Variants in UNC93A observed in about 807,000 individuals in gnomAD.
UNC93A encodes the protein N-acetylglucosamine transporter UNC93A.
Under a neutral mutation model 47.5 loss-of-function variants are expected in UNC93A, and 43 were observed. That is an observed-to-expected ratio of 0.91 (90% CI 0.71 to 1.17). UNC93A has a LOEUF of 1.17. Ranked by LOEUF, UNC93A falls within the 50% of genes most tolerant of loss-of-function variation. UNC93A has a pLI of 0.00. For missense variants in UNC93A, 605 were observed against 577.6 expected (o/e 1.05, Z -0.49); for synonymous variants, 280 against 258.0 (o/e 1.09, Z -0.82).
intron 5 of UNC93A, 94 bp downstream of exon 5, chr6:167,304,227 C>T: frequency 7.2e-7 from 1 of 1,388,446 alleles, no homozygotes; most frequent in Admixed American, 1.7e-5. Flanking sequence ...GTGTCTCAGG[C>T]CACCTGCCCA....
intron 6 of UNC93A, among the ~76,000 whole-genome samples, chr6:167,306,521 T>TGGGAA (rs980027367): frequency 6.6e-6 from 1 of 152,118 alleles, no homozygotes; most frequent in Admixed American, 6.5e-5. Flanking sequence ...CCATTTTTCT[T>TGGGAA]GGGAAGGGAA....
chr6:167,277,669 GTCTCTT>G (rs1689089186), intron 1 of UNC93A, among the ~76,000 whole-genome samples: 4 of 138,082 alleles, frequency 2.9e-5, no homozygotes, highest in Admixed American at 2.2e-4. Flanking sequence ...CTATCTCTCT[GTCTCTT>G]TCTCTTTCTG....
intron 1 of UNC93A, among the ~76,000 whole-genome samples, chr6:167,293,432 A>T (rs1317879774): frequency 1.3e-5 from 2 of 152,130 alleles, no homozygotes; most frequent in African/African-American, 4.8e-5. Context: ...GCTGACCTTG[A>T]GCATGCGGAC....
At chr6:167,294,070 T>C (rs766073628) in intron 1 of UNC93A, among the ~76,000 whole-genome samples, 4 of 152,194 alleles carry the variant, frequency 2.6e-5, no homozygotes, top group Non-Finnish European at 4.4e-5. Flanking sequence ...AAATCATTCA[T>C]GTGCACTCAG....
At chr6:167,274,993 T>C (rs374005657) in intron 1 of UNC93A, among the ~76,000 whole-genome samples, 5 of 152,342 alleles carry the variant, frequency 3.3e-5, no homozygotes, top group African/African-American at 1.2e-4. Flanking sequence ...GACGTGGCAC[T>C]GAGTCCCAGA....
intron 1 of UNC93A, among the ~76,000 whole-genome samples, chr6:167,275,502 G>A (rs1256543187): frequency 6.6e-6 from 1 of 152,194 alleles, no homozygotes; most frequent in African/African-American, 2.4e-5. Flanking sequence ...CACCCCCAAG[G>A]GCAGTCAGCG....
At chr6:167,304,230 C>T in intron 5 of UNC93A, 97 bp downstream of exon 5, 2 of 1,368,666 alleles carry the variant, frequency 1.5e-6, no homozygotes, top group Admixed American at 3.4e-5. Context: ...TCTCAGGCCA[C>T]CTGCCCAGGG....
intron 1 of UNC93A, among the ~76,000 whole-genome samples, chr6:167,285,983 C>T (rs534183034): frequency 7.4e-5 from 11 of 148,060 alleles, no homozygotes; most frequent in African/African-American, 2.8e-4. Context: ...TATATATACA[C>T]ACACACACAC....
At chr6:167,280,240 T>G (rs1015402876) in intron 1 of UNC93A, among the ~76,000 whole-genome samples, 10 of 152,148 alleles carry the variant, frequency 6.6e-5, no homozygotes, top group African/African-American at 2.4e-4. Context: ...TCCTACCCCC[T>G]GCAGGCTCCC....
At chr6:167,270,564 TC>T (rs1436026539), upstream of UNC93A, among the ~76,000 whole-genome samples, 3 of 151,864 alleles carry the variant, frequency 2.0e-5, no homozygotes, top group African/African-American at 4.8e-5. Context: ...TTGAGTTGCA[TC>T]CCCCGGAAAG....
chr6:167,290,447 A>C (rs1783820986), upstream of UNC93A, among the ~76,000 whole-genome samples: 1 of 152,186 alleles, frequency 6.6e-6, no homozygotes, highest in Non-Finnish European at 1.5e-5. Flanking sequence ...GAAATGGCTG[A>C]CTTCACAGAA....
Position 167,294,621 on chromosome 6 carries a change from G to T in UNC93A, c.192G>T (p.Arg64Ser), listed in dbSNP as rs866620606. 2.5e-6 allele frequency: 4 copies of T among 1,613,758 alleles called. No homozygotes were observed. In the African/African-American group the frequency reaches 4.0e-5, roughly 16 times the overall value. Residue 64 changes from arginine to serine, a missense_variant, in exon 2 of 8, where the codon AGG (arginine) becomes AGT (serine). Transcript: ENST00000230256. ...TCCTCCCACCGCTCCTCATCGAGAG[G>T]CTGGGCTGCAAGGGGACCATCATCC... ...SMFLPPLLIE[R>S]LGCKGTIILS...
chr6:167,281,111 TCATCCCACTGACAGGAGTCCCAGGAGGC>T (rs1432227936), intron 1 of UNC93A, among the ~76,000 whole-genome samples: 2 of 142,018 alleles, frequency 1.4e-5, no homozygotes, highest in Non-Finnish European at 3.1e-5. Context: ...CCCCAGGAGG[TCATCCCACTGACAGGAGTCCCAGGAGGC>T]CATCCCACTG....
chr6:167,314,461 G>A (rs775561452), intron 7 of UNC93A, among the ~76,000 whole-genome samples: 1 of 152,058 alleles, frequency 6.6e-6, no homozygotes, highest in African/African-American at 2.4e-5. Flanking sequence ...TGCCTACTTC[G>A]CCTCAGGCTG....
upstream of UNC93A, among the ~76,000 whole-genome samples, chr6:167,289,648 C>T (rs973454771): frequency 6.6e-6 from 1 of 151,790 alleles, no homozygotes; most frequent in African/African-American, 2.4e-5. Context: ...CCCCCAGAGC[C>T]AGAGAGCGAG....
intron 1 of UNC93A, among the ~76,000 whole-genome samples, chr6:167,272,210 C>T (rs1256945354): frequency 6.6e-6 from 1 of 152,214 alleles, no homozygotes; most frequent in Non-Finnish European, 1.5e-5. Context: ...ACCTTGAACT[C>T]CCACCATCAT....
intron 1 of UNC93A, among the ~76,000 whole-genome samples, chr6:167,278,135 C>T (rs1488004401): frequency 2.0e-5 from 3 of 152,202 alleles, no homozygotes; most frequent in African/African-American, 7.2e-5. Context: ...CAGGCACAGA[C>T]AGGGCTACCA....
intron 2 of UNC93A, 137 bp from the exon 3 acceptor site, chr6:167,295,895 C>A (rs1270669801): frequency 4.6e-5 from 33 of 723,066 alleles, no homozygotes; most frequent in Non-Finnish European, 7.3e-5. Context: ...TCCATCCAAC[C>A]AGCAACACTC....
chr6:167,274,374 G>A (rs975039143), intron 1 of UNC93A, among the ~76,000 whole-genome samples: 6 of 152,144 alleles, frequency 3.9e-5, no homozygotes, highest in South Asian at 2.1e-4. Flanking sequence ...CGTTCGGTCC[G>A]TCCTCCCTCC....
Sources: allele counts gnomAD v4.1 joint callset (sites outside exome capture counted in the v4.1 genomes callset), GRCh38; gene constraint gnomAD v4.1.1; transcripts MANE v1.5; gene names NCBI Gene and HGNC (gene_info 2026-07-23, HGNC 2026-07-21).